TPD52L1: variants seen among roughly 807,000 people sequenced by gnomAD.
TPD52L1 encodes the protein tumor protein D53.
Under a neutral mutation model 28.7 loss-of-function variants are expected in TPD52L1, and 18 were observed. The observed-to-expected ratio is 0.63, with a 90% CI of 0.43 to 0.93. The LOEUF (loss-of-function observed/expected upper bound fraction) is 0.93. Ranked by LOEUF, TPD52L1 falls within the 40% of genes least tolerant of loss-of-function variation. The pLI is 0.00. For missense variants in TPD52L1, 203 were observed against 254.8 expected, an observed-to-expected ratio of 0.80 and a Z score of 1.39; for synonymous variants, 75 against 88.8, an observed-to-expected ratio of 0.84 and a Z score of 0.88.
intron 1 of TPD52L1, among the ~76,000 whole-genome samples, chr6:125,182,120 G>C (rs1792234604): frequency 6.6e-6 from 1 of 152,192 alleles, no homozygotes; most frequent in African/African-American, 2.4e-5. Context: ...TTGAAAGGCA[G>C]GTAGGTATAG....
intron 1 of TPD52L1, among the ~76,000 whole-genome samples, chr6:125,162,008 T>A (rs534065260): frequency 1.3e-5 from 2 of 152,248 alleles, no homozygotes; most frequent in South Asian, 4.2e-4. Flanking sequence ...AAGGAAAAAA[T>A]TATTTTGCAT....
At chr6:125,249,691 CAA>C (rs11431442) in intron 4 of TPD52L1, among the ~76,000 whole-genome samples, 7 of 75,180 alleles carry the variant, frequency 9.3e-5, no homozygotes, top group Non-Finnish European at 8.8e-5. Flanking sequence ...GACTCTGTCT[CAA>C]AAAAAAAAAA....
In TPD52L1 at chr6:125,220,133, T is replaced by C. The variant is rs1274488404; in HGVS notation, c.75T>C (p.Ala25=). 6.2e-7 allele frequency: 1 copy of C among 1,613,826 alleles called. No homozygotes were observed. The highest frequency in any genetic ancestry group is 1.3e-5 in the African/African-American group (1 of 74,908). ...CAGACGAAGATGCAGTAGCCAGTGCTGACTTCTCTAGCATGCTCTCTGAGG... is the reference window on the plus strand; with the variant it reads ...CAGACGAAGATGCAGTAGCCAGTGCCGACTTCTCTAGCATGCTCTCTGAGG... ...QGTDEDAVAS[A]DFSSMLSEEE... Residue 25 remains alanine, a synonymous_variant, in exon 2 of 7, where the codon GCT becomes GCC. Transcript: ENST00000534000.
intron 1 of TPD52L1, among the ~76,000 whole-genome samples, chr6:125,207,024 A>C (rs1376844906): frequency 1.3e-5 from 2 of 152,234 alleles, no homozygotes; most frequent in South Asian, 2.1e-4. Flanking sequence ...CAAACATCAC[A>C]GATATTATGA....
intron 4 of TPD52L1, among the ~76,000 whole-genome samples, chr6:125,249,213 A>G (rs563781577): frequency 3.9e-4 from 59 of 151,208 alleles, no homozygotes; most frequent in Non-Finnish European, 7.8e-4. Context: ...TCATAGTTTT[A>G]TTTTGCATTT....
rs151325495 is a variant in TPD52L1, at chr6:125,202,392, G to A, written c.20-17686G>A. ...CCTAAGATGGAATGTATCCTGTCCA[G>A]TGAAGCTCAAGGCATGCACAGGTCG... On this transcript the variant is annotated intron_variant, in intron 1 of 6. Transcript: ENST00000534000. Among the ~76,000 whole-genome samples the A allele has an allele frequency of 7.6e-3, 1,162 of 152,280 alleles. 10 individuals carry two copies. Among genetic ancestry groups the A allele is most frequent in the Non-Finnish European group, 0.011 (738 of 68,020 alleles).
chr6:125,197,576 G>A (rs578172365), intron 1 of TPD52L1, among the ~76,000 whole-genome samples: 6 of 152,226 alleles, frequency 3.9e-5, no homozygotes, highest in African/African-American at 1.4e-4. Flanking sequence ...GAAAAGTGCA[G>A]AGTTTAGAAC....
Position 125,168,215 on chromosome 6 carries a change from C to T in TPD52L1, c.19+14245C>T, listed in dbSNP as rs542081952. Among the ~76,000 whole-genome samples, 21 of 152,310 alleles carry T rather than the reference C, an allele frequency of 1.4e-4. No individual in the cohort carries two copies. The South Asian group carries it at 3.9e-3, about 29-fold the overall frequency. On this transcript the variant is annotated intron_variant, in intron 1 of 6. Transcript: ENST00000534000. ...TTTGCAATGACCTAGGAATTCACAA[C>T]ATATGCAAGTACAAAACCTACCTTA...
chr6:125,217,670 C>T (rs144219772), intron 1 of TPD52L1, among the ~76,000 whole-genome samples: 4 of 152,104 alleles, frequency 2.6e-5, no homozygotes, highest in Non-Finnish European at 4.4e-5. Flanking sequence ...GTCCATGGCG[C>T]GGGAGTTGGG....
At chr6:125,201,038 C>G (rs985610201) in intron 1 of TPD52L1, among the ~76,000 whole-genome samples, 3 of 152,246 alleles carry the variant, frequency 2.0e-5, no homozygotes, top group East Asian at 1.9e-4. Context: ...GGCAGCGTTT[C>G]TTTTTGGAAA....
intron 1 of TPD52L1, among the ~76,000 whole-genome samples, chr6:125,157,077 C>T (rs1449675491): frequency 6.6e-6 from 1 of 152,118 alleles, no homozygotes; most frequent in Non-Finnish European, 1.5e-5. Flanking sequence ...GAATGATTTG[C>T]CTCTTAGATT....
chr6:125,229,586 C>G (rs910117736), intron 3 of TPD52L1, among the ~76,000 whole-genome samples: 20 of 151,956 alleles, frequency 1.3e-4, no homozygotes, highest in African/African-American at 4.8e-4. Flanking sequence ...TTTTTTAAAA[C>G]TTTTTCTCAT....
chr6:125,183,673 G>A (rs933026884), intron 1 of TPD52L1, among the ~76,000 whole-genome samples: 1 of 152,102 alleles, frequency 6.6e-6, no homozygotes, highest in Admixed American at 6.5e-5. Flanking sequence ...AAAGCATCAC[G>A]ATTACATGAG....
At chr6:125,219,014 C>T (rs549099102) in intron 1 of TPD52L1, among the ~76,000 whole-genome samples, 2 of 152,338 alleles carry the variant, frequency 1.3e-5, no homozygotes, top group Non-Finnish European at 2.9e-5. Context: ...ACTCCTACCC[C>T]CTAAAACCGG....
In TPD52L1 at chr6:125,262,647, G is replaced by A. The variant is rs189094595; in HGVS notation, c.487-187G>A. Reference sequence around the variant, plus strand: ...AAAATTAAAGTTTGGAATCCTATCCGAGAACCCAAGTATGAATAATATTCT... The same window carrying A: ...AAAATTAAAGTTTGGAATCCTATCCAAGAACCCAAGTATGAATAATATTCT... On this transcript the variant is annotated intron_variant, in intron 6 of 6. Coordinates refer to ENST00000534000, the MANE Select transcript of TPD52L1 (RefSeq NM_003287.4). 6.4e-3 allele frequency: 4,689 copies of A among 732,440 alleles called. 24 individuals carry two copies. Among genetic ancestry groups the A allele is most frequent in the Non-Finnish European group, 7.9e-3 (3,852 of 486,144 alleles). 45.4% of individuals were successfully genotyped at this position (732,440 alleles called of 1,614,324 possible).
At chr6:125,178,415 G>T (rs144217821) in intron 1 of TPD52L1, among the ~76,000 whole-genome samples, 11,290 of 152,224 alleles carry the variant, frequency 0.074, 433 homozygotes, top group Middle Eastern at 0.099. Flanking sequence ...AAGGTCAGGA[G>T]TTCAAGACCA....
Position 125,222,858 on chromosome 6 carries a change from A to G in TPD52L1, c.135+2665A>G, listed in dbSNP as rs181654089. Reference sequence around the variant, plus strand: ...ACACAAACGCCTTAGATTGTCTAAGATGGAATGTTAAACATATACTTTTAA... The same window carrying G: ...ACACAAACGCCTTAGATTGTCTAAGGTGGAATGTTAAACATATACTTTTAA... On this transcript the variant is annotated intron_variant, in intron 2 of 6. Coordinates refer to ENST00000534000, the MANE Select transcript of TPD52L1 (RefSeq NM_003287.4). 1.4e-3 allele frequency among the ~76,000 whole-genome samples: 216 copies of G among 152,352 alleles called. 1 individual carries two copies. The highest frequency in any genetic ancestry group is 5.0e-3 in the African/African-American group (210 of 41,588).
intron 1 of TPD52L1, among the ~76,000 whole-genome samples, chr6:125,184,689 G>T (rs1792468631): frequency 6.6e-6 from 1 of 152,044 alleles, no homozygotes; most frequent in Admixed American, 6.6e-5. Flanking sequence ...ATTTGTGAAG[G>T]GAAGGTAACA....
chr6:125,260,954 A>G lies in TPD52L1; in HGVS notation c.487-1880A>G, dbSNP rs927156062. 75 of 40,024 alleles carry G rather than the reference A, an allele frequency of 1.9e-3. 5 individuals are homozygous for G. The highest frequency in any genetic ancestry group is 0.018 in the African/African-American group (68 of 3,866). The allele number at this position is 40,024 out of a possible 1,614,324, so 2.5% of individuals were successfully genotyped here. Reference sequence around the variant, plus strand: ...AAAGAAAGAAAGAAAGAAAGAAAGAAAGAAAGAAAGAAAGAAAGAAAGAAA... The same window carrying G: ...AAAGAAAGAAAGAAAGAAAGAAAGAGAGAAAGAAAGAAAGAAAGAAAGAAA... On this transcript the variant is annotated intron_variant, in intron 6 of 6. Transcript: ENST00000534000.
Sources: allele counts gnomAD v4.1 joint callset (sites outside exome capture counted in the v4.1 genomes callset), GRCh38; gene constraint gnomAD v4.1.1; transcripts MANE v1.5; gene names NCBI Gene and HGNC (gene_info 2026-07-23, HGNC 2026-07-21).